ACSS3: variants seen among roughly 807,000 people sequenced by gnomAD.
ACSS3 encodes the protein acyl-CoA synthetase short chain family member 3.
A neutral mutation model predicts 84.2 loss-of-function variants in ACSS3; 64 were observed. The ratio of observed to expected loss-of-function variants is 0.76; its 90% CI spans 0.62 to 0.94. The LOEUF is 0.94. Among genes scored for constraint, ACSS3 ranks in the 40% least tolerant of loss-of-function variants. The pLI is 0.00. For missense variants in ACSS3, 815 were observed against 867.6 expected (o/e 0.94, Z 0.76); for synonymous variants, 317 against 310.1 (o/e 1.02, Z -0.23).
Position 81,253,489 on chromosome 12 carries a change from C to A in ACSS3, c.1820-6C>A. On this transcript the variant is annotated splice_polypyrimidine_tract_variant and splice_region_variant and intron_variant, in intron 14 of 15. Transcript: ENST00000548058. ...TCAGTGCTTACCATCTGAACTTTCT[C>A]TCTAGATATAAATGCAACAGAGGAG... is the stretch of plus-strand genomic sequence containing the variant. The A allele has an allele frequency of 6.2e-7, 1 of 1,613,446 alleles. No individual in the cohort carries two copies. The highest frequency in any genetic ancestry group is 8.5e-7 in the Non-Finnish European group (1 of 1,179,552).
At chr12:81,249,381 T>C (rs1376757200) in intron 13 of ACSS3, among the ~76,000 whole-genome samples, 2 of 152,068 alleles carry the variant, frequency 1.3e-5, no homozygotes, top group Non-Finnish European at 2.9e-5. Context: ...GTAGGTTTCT[T>C]AAATAATCCC....
intron 2 of ACSS3, chr12:81,124,349 C>T (rs1223152723): frequency 6.6e-6 from 1 of 152,104 alleles, no homozygotes; most frequent in African/African-American, 2.4e-5. Context: ...GTTCACTTTT[C>T]TGTTATCCGG....
intron 15 of ACSS3, among the ~76,000 whole-genome samples, chr12:81,254,215 C>T (rs2136022044): frequency 6.6e-6 from 1 of 152,240 alleles, no homozygotes; most frequent in African/African-American, 2.4e-5. Context: ...CACGCCTGAG[C>T]CACTGCTGCC....
chr12:81,211,195 G>C (rs2032577697), intron 9 of ACSS3, among the ~76,000 whole-genome samples: 1 of 152,102 alleles, frequency 6.6e-6, no homozygotes. Flanking sequence ...GCCCAGGCTG[G>C]TATCAAACTT....
intron 13 of ACSS3, among the ~76,000 whole-genome samples, chr12:81,237,741 A>G (rs2033672838): frequency 6.6e-6 from 1 of 151,690 alleles, no homozygotes; most frequent in Admixed American, 6.6e-5. Flanking sequence ...CTATTTGGAT[A>G]TTCTACATAT....
intron 1 of ACSS3, among the ~76,000 whole-genome samples, chr12:81,106,509 A>G (rs1252829971): frequency 6.6e-6 from 1 of 152,144 alleles, no homozygotes; most frequent in Non-Finnish European, 1.5e-5. Flanking sequence ...ATGCGCTTGA[A>G]TCATCCTGAA....
At chr12:81,184,735 G>T (rs1438783368) in intron 8 of ACSS3, among the ~76,000 whole-genome samples, 3 of 151,592 alleles carry the variant, frequency 2.0e-5, no homozygotes, top group African/African-American at 4.8e-5. Flanking sequence ...AGTGATTTGA[G>T]AAGTAATCAA....
At chr12:81,158,758 A>G (rs1887005853) in intron 7 of ACSS3, among the ~76,000 whole-genome samples, 1 of 152,106 alleles carries the variant, frequency 6.6e-6, no homozygotes, top group South Asian at 2.1e-4. Flanking sequence ...TTCCTCAGGG[A>G]AGCCCTCCTT....
At chr12:81,094,178 C>CTGTGTG (rs1565971754) in intron 1 of ACSS3, among the ~76,000 whole-genome samples, 1 of 106,358 alleles carries the variant, frequency 9.4e-6, no homozygotes, top group African/African-American at 3.4e-5. Flanking sequence ...CTCTCTGTCT[C>CTGTGTG]TCTCTCTGTG....
At chr12:81,248,651 G>T (rs139113933) in intron 13 of ACSS3, among the ~76,000 whole-genome samples, 14 of 152,066 alleles carry the variant, frequency 9.2e-5, no homozygotes, top group Admixed American at 2.6e-4. Context: ...CAGTAGCAAA[G>T]TAGAGTGTCT....
Position 81,097,395 on chromosome 12 carries a change from A to C in ACSS3, c.312-12165A>C, listed in dbSNP as rs1593035246. Among the ~76,000 whole-genome samples the C allele has an allele frequency of 5.9e-5, 9 of 152,326 alleles. No homozygotes were observed. In the South Asian group the frequency reaches 1.9e-3, roughly 32 times the overall value. Reference sequence around the variant, plus strand: ...CAAACACATAGTGGACCAGTTTGACATGTGAGTTGTAGTTTGCTGACCCCG... The same window carrying C: ...CAAACACATAGTGGACCAGTTTGACCTGTGAGTTGTAGTTTGCTGACCCCG... On this transcript the variant is annotated intron_variant, in intron 1 of 15. Coordinates refer to ENST00000548058, the MANE Select transcript of ACSS3 (RefSeq NM_024560.4).
At chr12:81,159,436 G>T (rs922915241) in intron 7 of ACSS3, among the ~76,000 whole-genome samples, 2 of 152,098 alleles carry the variant, frequency 1.3e-5, no homozygotes, top group Non-Finnish European at 2.9e-5. Flanking sequence ...AATGGAATTG[G>T]ACATATTTAA....
At chr12:81,236,046 A>T (rs1024837434) in intron 13 of ACSS3, among the ~76,000 whole-genome samples, 4 of 151,434 alleles carry the variant, frequency 2.6e-5, no homozygotes, top group African/African-American at 9.7e-5. Context: ...CCTTGTCTTG[A>T]TCCTGATCTT....
At chr12:81,162,470 T>A (rs866805641) in intron 7 of ACSS3, among the ~76,000 whole-genome samples, 1 of 152,152 alleles carries the variant, frequency 6.6e-6, no homozygotes, top group African/African-American at 2.4e-5. Context: ...GGGGTTTTTA[T>A]GGTCTTCAGA....
intron 13 of ACSS3, among the ~76,000 whole-genome samples, chr12:81,241,900 A>G (rs1301661828): frequency 6.6e-6 from 1 of 152,134 alleles, no homozygotes; most frequent in Non-Finnish European, 1.5e-5. Context: ...TTTAGACATG[A>G]AGTTCTTGCC....
chr12:81,205,984 T>C (rs75594560), intron 9 of ACSS3, among the ~76,000 whole-genome samples: 103 of 152,224 alleles, frequency 6.8e-4, no homozygotes, highest in Non-Finnish European at 1.3e-3. Context: ...ATAGCTGATG[T>C]GACAATGAAG....
chr12:81,152,183 AT>A (rs763277324), intron 7 of ACSS3, 87 bp downstream of exon 7: 174 of 1,111,184 alleles, frequency 1.6e-4, no homozygotes, highest in Non-Finnish European at 2.0e-4. Flanking sequence ...GATCAGAAAA[AT>A]TGGGGTGGGG....
intron 3 of ACSS3, 57 bp downstream of exon 3, chr12:81,135,061 A>G (rs1885714040): frequency 2.1e-6 from 3 of 1,406,050 alleles, no homozygotes; most frequent in Non-Finnish European, 2.9e-6. Flanking sequence ...AGTCATATTT[A>G]TCTGTGGATG....
At chr12:81,213,893 C>CTTG (rs2032761156) in intron 9 of ACSS3, among the ~76,000 whole-genome samples, 1 of 93,772 alleles carries the variant, frequency 1.1e-5, no homozygotes, top group Non-Finnish European at 2.3e-5. Context: ...TCCTTTCTTT[C>CTTG]TTTCTTTTGT....
Sources: gnomAD v4.1 joint callset for allele counts (sites outside exome capture counted in the v4.1 genomes callset) on GRCh38, gnomAD v4.1.1 for gene constraint, MANE v1.5 for transcripts, NCBI Gene and HGNC (gene_info 2026-07-23, HGNC 2026-07-21) for gene names.